Variants in CAPZB observed in about 807,000 individuals in gnomAD.
The protein encoded by CAPZB is F-actin-capping protein subunit beta.
Under a neutral mutation model 38.1 loss-of-function variants are expected in CAPZB, and 2 were observed. The ratio of observed to expected loss-of-function variants is 0.05; its 90% CI spans 0.02 to 0.17. The LOEUF is 0.17. Ranked by LOEUF, CAPZB falls within the 10% of genes least tolerant of loss-of-function variation. CAPZB has a pLI of 1.00. For missense variants in CAPZB, 161 were observed against 334.2 expected, an observed-to-expected ratio of 0.48 and a Z score of 4.04; for synonymous variants, 107 against 127.4, an observed-to-expected ratio of 0.84 and a Z score of 1.08.
intron 2 of CAPZB, among the ~76,000 whole-genome samples, chr1:19,412,709 T>C (rs932464761): frequency 2.0e-5 from 3 of 152,136 alleles, no homozygotes; most frequent in African/African-American, 7.2e-5. Flanking sequence ...ATGAGTACTT[T>C]GGGGAAAGAA....
intron 2 of CAPZB, among the ~76,000 whole-genome samples, chr1:19,412,104 G>A (rs2094359563): frequency 6.6e-6 from 1 of 152,194 alleles, no homozygotes; most frequent in African/African-American, 2.4e-5. Context: ...AAATACTGCT[G>A]GAGGCTTTTG....
intron 1 of CAPZB, among the ~76,000 whole-genome samples, chr1:19,461,985 T>G (rs1486829183): frequency 1.3e-5 from 2 of 152,170 alleles, no homozygotes; most frequent in Non-Finnish European, 2.9e-5. Context: ...ATTCTATTAA[T>G]GATACAATCA....
intron 1 of CAPZB, among the ~76,000 whole-genome samples, chr1:19,432,375 G>A (rs1355373718): frequency 3.3e-5 from 5 of 152,228 alleles, no homozygotes; most frequent in Middle Eastern, 3.4e-3. Flanking sequence ...CTAGGTGGCC[G>A]AGTTTGCAGT....
chr1:19,403,292 G>A lies in CAPZB; in HGVS notation c.93+16369C>T, dbSNP rs557935998. Among the ~76,000 whole-genome samples the A allele has an allele frequency of 3.9e-5, 6 of 152,328 alleles. 1 individual carries two copies. Among genetic ancestry groups the A allele is most frequent in the African/African-American group, 1.4e-4 (6 of 41,572 alleles). ...AAAAGAAAAGATCCCTGCCCTCCAA[G>A]AGCCAAAGCTCCTAGGATGGAGCAA... On this transcript the variant is annotated intron_variant, in intron 2 of 8. Coordinates refer to ENST00000264202, the MANE Select transcript of CAPZB (RefSeq NM_004930.5).
At chr1:19,379,066 C>G (rs539000161) in intron 3 of CAPZB, among the ~76,000 whole-genome samples, 1 of 151,492 alleles carries the variant, frequency 6.6e-6, no homozygotes, top group South Asian at 2.1e-4. Flanking sequence ...CCCGCTTTCT[C>G]AGTTTTGTGT....
intron 3 of CAPZB, among the ~76,000 whole-genome samples, chr1:19,383,116 CAAAAAAA>C: frequency 7.8e-6 from 1 of 128,246 alleles, no homozygotes; most frequent in Non-Finnish European, 1.7e-5. Context: ...CCCATCTCTA[CAAAAAAA>C]AAAAAAAAAG....
chr1:19,428,676 T>C (rs916588229), intron 1 of CAPZB, among the ~76,000 whole-genome samples: 48 of 152,090 alleles, frequency 3.2e-4, no homozygotes, highest in Admixed American at 1.3e-4. Context: ...TTTTGCCAGG[T>C]TGCACAGATA....
At chr1:19,406,962 C>G (rs2094335477) in intron 2 of CAPZB, among the ~76,000 whole-genome samples, 1 of 152,190 alleles carries the variant, frequency 6.6e-6, no homozygotes, top group Non-Finnish European at 1.5e-5. Context: ...AGTGGTCACA[C>G]AGCTAAGACG....
chr1:19,461,090 C>T (rs1385220051), intron 1 of CAPZB, among the ~76,000 whole-genome samples: 9 of 2,082 alleles, frequency 4.3e-3, no homozygotes, highest in Non-Finnish European at 0.013. Context: ...CACCCCTGGG[C>T]GGGGGCGGGG....
chr1:19,346,003 G>T (rs892421527), intron 6 of CAPZB, among the ~76,000 whole-genome samples: 1 of 152,198 alleles, frequency 6.6e-6, no homozygotes, highest in Non-Finnish European at 1.5e-5. Context: ...ATCTCAACTC[G>T]GAGGAGGGAG....
intron 1 of CAPZB, among the ~76,000 whole-genome samples, chr1:19,466,908 GT>G (rs1472861597): frequency 6.6e-6 from 1 of 151,698 alleles, no homozygotes; most frequent in African/African-American, 2.4e-5. Flanking sequence ...AAAGTTTTTT[GT>G]TTTTGTTTTT....
At chr1:19,410,744 T>C (rs959607942) in intron 2 of CAPZB, among the ~76,000 whole-genome samples, 1 of 152,224 alleles carries the variant, frequency 6.6e-6, no homozygotes, top group Admixed American at 6.5e-5. Context: ...TTTTCACTTT[T>C]AAAAGATTAT....
chr1:19,406,843 T>G (rs12068911), intron 2 of CAPZB, among the ~76,000 whole-genome samples: 20 of 152,294 alleles, frequency 1.3e-4, no homozygotes, highest in African/African-American at 4.8e-4. Context: ...CAGAACTCCA[T>G]GCAGACAGCT....
chr1:19,391,299 C>T (rs55977497), intron 2 of CAPZB, among the ~76,000 whole-genome samples: 28,840 of 152,142 alleles, frequency 0.19, 3,248 homozygotes, highest in South Asian at 0.3. Context: ...CTCAGACCCA[C>T]GGAGTCTAAC....
chr1:19,484,611 G>A (rs2094644172), intron 1 of CAPZB: 1 of 1,198,276 alleles, frequency 8.3e-7, no homozygotes, highest in Non-Finnish European at 1.1e-6. Context: ...CCCTGATGGA[G>A]AGCTCCCCTC....
intron 1 of CAPZB, among the ~76,000 whole-genome samples, chr1:19,474,779 C>G: frequency 6.6e-6 from 1 of 152,196 alleles, no homozygotes; most frequent in Non-Finnish European, 1.5e-5. Context: ...AGGCACCATA[C>G]TTTGGCTGCC....
At chr1:19,449,021 G>T in intron 1 of CAPZB, 1 of 1,531,728 alleles carries the variant, frequency 6.5e-7, no homozygotes, top group Non-Finnish European at 8.8e-7. Flanking sequence ...CAGGCTGCTC[G>T]CTGCCCGCTC....
intron 2 of CAPZB, among the ~76,000 whole-genome samples, chr1:19,412,927 C>T (rs2094363444): frequency 6.6e-6 from 1 of 152,220 alleles, no homozygotes; most frequent in South Asian, 2.1e-4. Context: ...ACAGCCAGGT[C>T]CTCCTTCCAG....
chr1:19,483,823 T>G (rs1026295753), intron 1 of CAPZB, among the ~76,000 whole-genome samples: 1 of 152,216 alleles, frequency 6.6e-6, no homozygotes, highest in African/African-American at 2.4e-5. Flanking sequence ...GCATTGCCCA[T>G]GTTTTTAATC....
Sources: allele counts gnomAD v4.1 joint callset (sites outside exome capture counted in the v4.1 genomes callset), GRCh38; gene constraint gnomAD v4.1.1; transcripts MANE v1.5; gene names NCBI Gene and HGNC (gene_info 2026-07-23, HGNC 2026-07-21).